NOL4L: variants seen among roughly 807,000 people sequenced by gnomAD.
The protein encoded by NOL4L is nucleolar protein 4 like.
Under a neutral mutation model 64.5 loss-of-function variants are expected in NOL4L, and 7 were observed. The observed-to-expected ratio is 0.11, with a 90% CI of 0.06 to 0.20. The LOEUF (loss-of-function observed/expected upper bound fraction) is 0.20, where lower values mean the gene tolerates loss of function less well. NOL4L is among the 10% of genes least tolerant of loss of function. The pLI is 1.00. For missense variants in NOL4L, 680 were observed against 967.1 expected, an observed-to-expected ratio of 0.70 and a Z score of 3.94; for synonymous variants, 413 against 401.0, an observed-to-expected ratio of 1.03 and a Z score of -0.36.
chr20:32,452,156 C>A, intron 10 of NOL4L, 80 bp downstream of exon 10: 1 of 1,298,274 alleles, frequency 7.7e-7, no homozygotes, highest in Admixed American at 3.0e-5. Flanking sequence ...TCCCTCTCCC[C>A]ATTCCGCTGC....
At position 32,500,538 on chromosome 20, in the gene NOL4L, C is replaced by CTT. The variant is rs35172494; in HGVS notation, c.699+10807_699+10808dup. On this transcript the variant is annotated intron_variant, in intron 4 of 10. Transcript: ENST00000621426. ...CCAGCTAATTTTTTTGTATTTCTTT[C>CTT]TTTTTTTTTTTTTTTTTTACTAGAG... Among the ~76,000 whole-genome samples, 1,146 of 129,558 alleles carry CTT rather than the reference C, an allele frequency of 8.8e-3. 11 individuals are homozygous for CTT. Among genetic ancestry groups the CTT allele is most frequent in the East Asian group, 0.013 (62 of 4,648 alleles). 85.0% of individuals were successfully genotyped at this position (129,558 alleles called of 152,430 possible).
chr20:32,467,563 A>C (rs572376035), intron 5 of NOL4L, among the ~76,000 whole-genome samples: 1 of 152,316 alleles, frequency 6.6e-6, no homozygotes, highest in South Asian at 2.1e-4. Context: ...AAGGGAGACC[A>C]GGCTGGCTGA....
intron 1 of NOL4L, among the ~76,000 whole-genome samples, chr20:32,568,228 G>A (rs905618464): frequency 1.3e-5 from 2 of 152,038 alleles, no homozygotes; most frequent in African/African-American, 4.8e-5. Flanking sequence ...CCCACAATAT[G>A]CCCTGAACTC....
At position 32,530,931 on chromosome 20, in the gene NOL4L, A is replaced by C. The variant is rs542794708; in HGVS notation, c.322-3018T>G. On this transcript the variant is annotated intron_variant, in intron 1 of 10. Coordinates refer to ENST00000621426, the MANE Select transcript of NOL4L (RefSeq NM_001256798.2). The stretch of plus-strand genomic sequence containing the variant: ...AGTGAAACTCCATCTCAAAAAAAAA[A>C]CAAAAACAAAAACCTTAACATTTAT... 7.9e-5 allele frequency among the ~76,000 whole-genome samples: 12 copies of C among 152,278 alleles called. No individual in the cohort carries two copies. The South Asian group carries it at 1.7e-3, about 21-fold the overall frequency.
At chr20:32,536,429 AGCGCGCGCTGGGGCCGAGCTGGCC>A (rs1319806652) in intron 1 of NOL4L, 1 of 500,670 alleles carries the variant, frequency 2.0e-6, no homozygotes, top group African/African-American at 2.2e-5. Flanking sequence ...GACTGTTGAC[AGCGCGCGCTGGGGCCGAGCTGGCC>A]GCGCGCGCCG....
In NOL4L at chr20:32,536,804, G is replaced by T. The variant is rs1282273581; in HGVS notation, c.322-8891C>A. ...GGCTGCAGCCCGGCTGGGAGTGGGG[G>T]GGGGGGGGCGCACCAACGGGGCGGG... is the stretch of plus-strand genomic sequence containing the variant. On this transcript the variant is annotated intron_variant, in intron 1 of 10. Transcript: ENST00000621426. 4.8e-5 allele frequency among the ~76,000 whole-genome samples: 6 copies of T among 123,932 alleles called. No individual in the cohort carries two copies. In the East Asian group the frequency reaches 1.1e-3, roughly 22 times the overall value. 81.3% of individuals were successfully genotyped at this position (123,932 alleles called of 152,430 possible). A position where few individuals can be genotyped will look rare whatever the true frequency, so the allele number is the denominator to read the frequency against.
chr20:32,565,398 G>C (rs1979364116), intron 1 of NOL4L, among the ~76,000 whole-genome samples: 1 of 152,166 alleles, frequency 6.6e-6, no homozygotes, highest in Non-Finnish European at 1.5e-5. Flanking sequence ...ACAAAACCTG[G>C]TCGGGGACCA....
At chr20:32,472,208 G>A (rs1050788204) in intron 5 of NOL4L, among the ~76,000 whole-genome samples, 5 of 152,194 alleles carry the variant, frequency 3.3e-5, no homozygotes, top group East Asian at 1.9e-4. Context: ...ATGTTTGTTC[G>A]TTTGTTCATT....
intron 2 of NOL4L, among the ~76,000 whole-genome samples, chr20:32,526,712 C>T (rs1028457666): frequency 1.3e-5 from 2 of 152,168 alleles, no homozygotes; most frequent in East Asian, 1.9e-4. Flanking sequence ...ACTCAGCTGC[C>T]GTCTGACCTT....
chr20:32,518,400 C>T (rs1248239708), intron 3 of NOL4L, among the ~76,000 whole-genome samples: 1 of 152,234 alleles, frequency 6.6e-6, no homozygotes, highest in Non-Finnish European at 1.5e-5. Flanking sequence ...GGAGAGGAAG[C>T]AGGCCACTGC....
intron 1 of NOL4L, among the ~76,000 whole-genome samples, chr20:32,578,160 G>GAGGGAGGT (rs1980246529): frequency 6.0e-5 from 8 of 134,352 alleles, no homozygotes; most frequent in African/African-American, 2.2e-4. Context: ...GGGAGGGAGG[G>GAGGGAGGT]AGGGAGGGAG....
rs775787882 is a variant in NOL4L, at chr20:32,453,702, A to G, written c.1179T>C (p.Pro393=). ...DSIKTEVSGC[P]EDLTVGRAPT... ...GGGCCCGGCCCACTGTCAGGTCCTC[A>G]GGGCAGCCGCTGACCTCGGTCTTGA... Residue 393 remains proline (P), a synonymous_variant, in exon 7 of 11, where the codon CCT becomes CCC. Coordinates refer to ENST00000621426, the MANE Select transcript of NOL4L (RefSeq NM_001256798.2). The surrounding 1 kb of genome is among the most constrained non-coding windows in gnomAD (Gnocchi z 5.6). The G allele has an allele frequency of 2.0e-5, 32 of 1,561,912 alleles. No individual in the cohort carries two copies. The highest frequency in any genetic ancestry group is 2.7e-5 in the Non-Finnish European group (31 of 1,152,944).
rs117939480 is a variant in NOL4L, at chr20:32,582,343, G to A, written c.321+2227C>T. 4.7e-3 allele frequency among the ~76,000 whole-genome samples: 718 copies of A among 152,308 alleles called. 3 individuals carry two copies. The highest frequency in any genetic ancestry group is 0.017 in the Middle Eastern group (5 of 294). On this transcript the variant is annotated intron_variant, in intron 1 of 10. Transcript: ENST00000621426. ...CAGGGTGGAGACTGGGGACGGTCGC[G>A]CTGCCAGGGGCAGGCAGAGCGGGTC... is the stretch of plus-strand genomic sequence containing the variant.
At chr20:32,524,781 C>T (rs950433459) in intron 2 of NOL4L, among the ~76,000 whole-genome samples, 2 of 151,896 alleles carry the variant, frequency 1.3e-5, no homozygotes, top group South Asian at 2.1e-4. Context: ...AGGTATGGGT[C>T]GAGGAAAATG....
chr20:32,486,851 C>T (rs756694650), intron 4 of NOL4L: 5 of 455,792 alleles, frequency 1.1e-5, no homozygotes, highest in Non-Finnish European at 1.8e-5. Context: ...ACATGCTTCA[C>T]CTGAATCTGC....
intron 1 of NOL4L, among the ~76,000 whole-genome samples, 192 bp downstream of exon 1, chr20:32,584,378 G>A (rs1395598819): frequency 2.6e-5 from 4 of 151,504 alleles, no homozygotes; most frequent in African/African-American, 9.7e-5. Context: ...GGGACGCCCC[G>A]AACCCGGAGC....
At chr20:32,448,044 C>T (rs1019336328) in intron 10 of NOL4L, among the ~76,000 whole-genome samples, 2 of 152,116 alleles carry the variant, frequency 1.3e-5, no homozygotes, top group Non-Finnish European at 2.9e-5. Context: ...TGCAAGGATC[C>T]GGTTTTAGGT....
chr20:32,476,372 C>G (rs908261006), intron 4 of NOL4L, among the ~76,000 whole-genome samples: 2 of 152,176 alleles, frequency 1.3e-5, no homozygotes, highest in Non-Finnish European at 2.9e-5. Flanking sequence ...TTGAGCAAGG[C>G]TGCAAGGTGC....
intron 1 of NOL4L, among the ~76,000 whole-genome samples, chr20:32,530,463 C>T (rs2018303927): frequency 1.3e-5 from 2 of 151,908 alleles, no homozygotes; most frequent in African/African-American, 4.8e-5. Flanking sequence ...ATGGTGTGAA[C>T]CCGGGAGGCA....
Sources: gnomAD v4.1 joint callset for allele counts (sites outside exome capture counted in the v4.1 genomes callset) on GRCh38, gnomAD v4.1.1 for gene constraint, Gnocchi (gnomAD v3.1) non-coding constraint, MANE v1.5 for transcripts, NCBI Gene and HGNC (gene_info 2026-07-23, HGNC 2026-07-21) for gene names.